Variants in USP42 observed in about 807,000 individuals in gnomAD.
USP42 encodes the protein ubiquitin carboxyl-terminal hydrolase 42.
USP42 carries 23 observed loss-of-function variants against 113.0 expected under a neutral mutation model. That is an observed-to-expected ratio of 0.20 (90% CI 0.15 to 0.29). The LOEUF (loss-of-function observed/expected upper bound fraction) is 0.29. USP42 is among the 10% of genes least tolerant of loss of function. USP42 has a pLI of 1.00. For missense variants in USP42, 2,174 were observed against 1,779.8 expected, an observed-to-expected ratio of 1.22 and a Z score of -3.99; for synonymous variants, 933 against 699.0, an observed-to-expected ratio of 1.33 and a Z score of -5.28.
At chr7:6,134,293 CTG>C (rs1289397490) in intron 3 of USP42, among the ~76,000 whole-genome samples, 22 of 152,088 alleles carry the variant, frequency 1.4e-4, no homozygotes, top group African/African-American at 4.3e-4. Context: ...ATTATATTTT[CTG>C]TGTTATTTCT....
At chr7:6,098,535 T>C in the USP42 span, among the ~76,000 whole-genome samples, 2 of 150,136 alleles carry the variant, frequency 1.3e-5, no homozygotes, top group Non-Finnish European at 3.0e-5. Context: ...ACAGAAAGAA[T>C]GCATTGTTTT....
intron 4 of USP42, among the ~76,000 whole-genome samples, chr7:6,137,032 T>G (rs1419785827): frequency 6.6e-6 from 1 of 152,212 alleles, no homozygotes; most frequent in Non-Finnish European, 1.5e-5. Context: ...TTTAAATGGG[T>G]AAGTGCATGA....
intron 3 of USP42, among the ~76,000 whole-genome samples, chr7:6,126,776 A>G (rs1780570486): frequency 6.6e-6 from 1 of 152,174 alleles, no homozygotes; most frequent in Non-Finnish European, 1.5e-5. Context: ...GAGCTGCGGT[A>G]AACATCCAGG....
rs562607485 is a variant in USP42, at chr7:6,116,130, G to A, written c.442+607G>A. On this transcript the variant is annotated intron_variant, in intron 3 of 17. Coordinates refer to ENST00000306177, the MANE Select transcript of USP42 (RefSeq NM_032172.3). ...AAAAAAAAAAAAAAAAACGTCTGAT[G>A]CCAGCAACTTGGGACAGGCGAGGTT... 8.7e-5 allele frequency among the ~76,000 whole-genome samples: 13 copies of A among 148,960 alleles called. 1 individual carries two copies. The East Asian group carries it at 1.8e-3, about 20-fold the overall frequency.
intron 1 of USP42, 39 bp downstream of exon 1, chr7:6,105,071 A>T (rs2128471482): frequency 6.8e-6 from 1 of 147,504 alleles, no homozygotes; most frequent in African/African-American, 2.5e-5. Flanking sequence ...GCAGGCCGGC[A>T]TGGGGCCCGC....
rs1329813522 is a variant in USP42, at chr7:6,154,524, C to G, written c.2970C>G (p.Arg990=). 1 of 1,541,992 alleles carries G rather than the reference C, an allele frequency of 6.5e-7. No homozygotes were observed. The highest frequency in any genetic ancestry group is 2.0e-5 in the Admixed American group (1 of 50,574). The change falls in exon 15 of 18, where the codon CGC becomes CGG. Residue 990 remains arginine, a synonymous_variant. Transcript: ENST00000306177. ...RRRTCPRERD[R]QDRHAPEHHP... The stretch of plus-strand genomic sequence containing the variant: ...GCACCTGCCCCCGGGAGCGCGACCG[C>G]CAGGACCGCCACGCCCCGGAGCACC...
the USP42 span, among the ~76,000 whole-genome samples, chr7:6,089,755 A>T: frequency 2.1e-5 from 3 of 145,380 alleles, no homozygotes; most frequent in East Asian, 6.4e-4. Context: ...CTGTTCTCAA[A>T]CTCCTGACCT....
chr7:6,097,414 A>C, the USP42 span, among the ~76,000 whole-genome samples: 1 of 127,346 alleles, frequency 7.9e-6, no homozygotes, highest in African/African-American at 3.2e-5. Context: ...TTTTGGAGAC[A>C]GGCTCATGCA....
intron 5 of USP42, 85 bp from the exon 6 acceptor site, chr7:6,140,043 G>T (rs1284919998): frequency 8.3e-7 from 1 of 1,207,558 alleles, no homozygotes; most frequent in South Asian, 1.2e-5. Context: ...GATCTTTTGT[G>T]AGCTCCCATG....
chr7:6,092,016 TC>T, the USP42 span, among the ~76,000 whole-genome samples: 2 of 104,548 alleles, frequency 1.9e-5, no homozygotes, highest in South Asian at 3.2e-4. Flanking sequence ...TTCTTCTTCT[TC>T]TTCTTCTTCT....
chr7:6,128,940 C>T (rs981220521), intron 3 of USP42, among the ~76,000 whole-genome samples: 2 of 152,136 alleles, frequency 1.3e-5, no homozygotes, highest in African/African-American at 4.8e-5. Context: ...CCTGCCTCAG[C>T]CCCGCAAGTG....
rs1407934685 is a variant in USP42 at position 6,157,728 on chromosome 7, C to T, written c.3943+673C>T. Reference sequence around the variant, plus strand: ...TCTGAGTGCACCCTGATGCTCGGTACTGATTTGCTCGCTTGGTTCCTTAGA... The same window carrying T: ...TCTGAGTGCACCCTGATGCTCGGTATTGATTTGCTCGCTTGGTTCCTTAGA... On this transcript the variant is annotated intron_variant, in intron 16 of 17. Transcript: ENST00000306177. This position sits in a 1 kb window ranked among gnomAD's most constrained non-coding sequence, Gnocchi z 4.1. 2.0e-5 allele frequency among the ~76,000 whole-genome samples: 3 copies of T among 152,240 alleles called. No homozygotes were observed. Among genetic ancestry groups the T allele is most frequent in the Non-Finnish European group, 2.9e-5 (2 of 68,050 alleles).
the USP42 span, among the ~76,000 whole-genome samples, chr7:6,082,798 A>G: frequency 6.7e-6 from 1 of 148,970 alleles, no homozygotes; most frequent in Non-Finnish European, 1.5e-5. Flanking sequence ...TTGAGTAGAC[A>G]TGCAGTTTCA....
At chr7:6,088,861 C>T in the USP42 span, 7 of 150,684 alleles carry the variant, frequency 4.6e-5, no homozygotes, top group South Asian at 2.1e-4. Flanking sequence ...TCAGTGCACC[C>T]GCAGGAGGGG....
intron 1 of USP42, among the ~76,000 whole-genome samples, chr7:6,109,668 A>G (rs1423532949): frequency 2.0e-5 from 3 of 149,876 alleles, no homozygotes; most frequent in Admixed American, 6.6e-5. Flanking sequence ...TGCTGGGATT[A>G]CAGGGGTGTG....
the USP42 span, among the ~76,000 whole-genome samples, chr7:6,082,953 T>A: frequency 6.2e-5 from 9 of 145,990 alleles, no homozygotes; most frequent in East Asian, 2.0e-4. Context: ...ATATATATAT[T>A]TATTTATTTT....
intron 3 of USP42, among the ~76,000 whole-genome samples, chr7:6,132,721 G>A (rs1035585064): frequency 2.0e-5 from 3 of 151,880 alleles, no homozygotes; most frequent in Admixed American, 6.6e-5. Context: ...GCCCAGGCTG[G>A]AGTGCAGCGT....
the USP42 span, among the ~76,000 whole-genome samples, chr7:6,098,719 A>AT: frequency 6.7e-6 from 1 of 149,190 alleles, no homozygotes; most frequent in Non-Finnish European, 1.5e-5. Flanking sequence ...TAATTTTTGT[A>AT]TTTTTTAGTA....
At chr7:6,113,013 C>T (rs1376568522) in intron 2 of USP42, among the ~76,000 whole-genome samples, 4 of 149,822 alleles carry the variant, frequency 2.7e-5, no homozygotes, top group Non-Finnish European at 5.9e-5. Context: ...AAGCAATTCT[C>T]CTGCCTCAGC....
Sources: gnomAD v4.1 joint callset for allele counts (sites outside exome capture counted in the v4.1 genomes callset) on GRCh38, gnomAD v4.1.1 for gene constraint, Gnocchi (gnomAD v3.1) non-coding constraint, MANE v1.5 for transcripts, NCBI Gene and HGNC (gene_info 2026-07-23, HGNC 2026-07-21) for gene names.